WDR70: variants seen among roughly 807,000 people sequenced by gnomAD.
The protein encoded by WDR70 is WD repeat-containing protein 70.
Under a neutral mutation model 88.6 loss-of-function variants are expected in WDR70, and 53 were observed. The ratio of observed to expected loss-of-function variants is 0.60; its 90% CI spans 0.48 to 0.75. The LOEUF (loss-of-function observed/expected upper bound fraction) is 0.75. Ranked by LOEUF, WDR70 falls within the 30% of genes least tolerant of loss-of-function variation. The pLI is 0.00. For synonymous variants in WDR70, 280 were observed against 270.0 expected, an observed-to-expected ratio of 1.04 and a Z score of -0.36; for missense variants, 610 against 823.2, an observed-to-expected ratio of 0.74 and a Z score of 3.17.
intron 8 of WDR70, among the ~76,000 whole-genome samples, chr5:37,492,639 G>A (rs1740100203): frequency 1.3e-5 from 2 of 152,172 alleles, no homozygotes; most frequent in Admixed American, 1.3e-4. Flanking sequence ...TCTGCTGCTG[G>A]TTTTGAAGAT....
intron 16 of WDR70, among the ~76,000 whole-genome samples, chr5:37,725,670 A>AT (rs1290305931): frequency 2.0e-5 from 3 of 151,882 alleles, no homozygotes; most frequent in Admixed American, 1.3e-4. Context: ...TATCTTAATT[A>AT]TTTTTTTCAT....
intron 9 of WDR70, among the ~76,000 whole-genome samples, chr5:37,561,799 T>C (rs1335840512): frequency 6.6e-6 from 1 of 152,248 alleles, no homozygotes; most frequent in Non-Finnish European, 1.5e-5. Context: ...GGTTCTCTGT[T>C]GATTTAACAT....
At chr5:37,702,748 T>A (rs1032460664) in intron 12 of WDR70, among the ~76,000 whole-genome samples, 9 of 152,198 alleles carry the variant, frequency 5.9e-5, no homozygotes, top group African/African-American at 1.9e-4. Context: ...AATTATTTTC[T>A]TCAGTTCCCT....
chr5:37,559,092 C>T lies in WDR70; in HGVS notation c.917+42502C>T, dbSNP rs551513568. 1.2e-3 allele frequency among the ~76,000 whole-genome samples: 181 copies of T among 152,070 alleles called. 1 individual carries two copies. The highest frequency in any genetic ancestry group is 1.7e-3 in the Non-Finnish European group (115 of 67,996). On this transcript the variant is annotated intron_variant, in intron 9 of 17. Coordinates refer to ENST00000265107, the MANE Select transcript of WDR70 (RefSeq NM_018034.4). ...GGGATTACCGGTGCCCGCCACCATGCCCAGTTAATTTTTGTATTTTTAATA... is the reference window on the plus strand; with the variant it reads ...GGGATTACCGGTGCCCGCCACCATGTCCAGTTAATTTTTGTATTTTTAATA...
intron 7 of WDR70, among the ~76,000 whole-genome samples, chr5:37,451,491 A>G (rs1373225874): frequency 6.6e-6 from 1 of 152,180 alleles, no homozygotes; most frequent in Non-Finnish European, 1.5e-5. Context: ...TCGAATTTTA[A>G]TTAAAATGTA....
chr5:37,572,516 A>C (rs1178423559), intron 9 of WDR70, among the ~76,000 whole-genome samples: 1 of 152,112 alleles, frequency 6.6e-6, no homozygotes, highest in Non-Finnish European at 1.5e-5. Context: ...TGGTGAAGTC[A>C]GGGCCTTCAG....
chr5:37,583,894 G>A (rs942640885), intron 9 of WDR70, among the ~76,000 whole-genome samples: 1 of 152,120 alleles, frequency 6.6e-6, no homozygotes, highest in Non-Finnish European at 1.5e-5. Flanking sequence ...AAAATTTGCA[G>A]TATTCTTCCT....
chr5:37,478,647 T>G (rs1480130492), intron 7 of WDR70, among the ~76,000 whole-genome samples: 2 of 152,210 alleles, frequency 1.3e-5, no homozygotes, highest in Non-Finnish European at 2.9e-5. Flanking sequence ...CAGGGAGATC[T>G]GAAGCTAAAA....
chr5:37,645,797 C>T (rs1338898640), intron 10 of WDR70, among the ~76,000 whole-genome samples: 1 of 151,834 alleles, frequency 6.6e-6, no homozygotes, highest in Non-Finnish European at 1.5e-5. Flanking sequence ...ATTCTTGCTC[C>T]TTTTTGGTTT....
At chr5:37,603,713 T>C (rs1000268115) in intron 9 of WDR70, among the ~76,000 whole-genome samples, 6 of 152,232 alleles carry the variant, frequency 3.9e-5, no homozygotes, top group African/African-American at 1.4e-4. Context: ...ATATCTGCCA[T>C]ATTGCTTTTT....
rs1358067360 is a variant in WDR70, at chr5:37,711,992, T to C, written c.1416+8905T>C. On this transcript the variant is annotated intron_variant, in intron 13 of 17. Coordinates refer to ENST00000265107, the MANE Select transcript of WDR70 (RefSeq NM_018034.4). ...TTTCAGTGCATATATTTTTTCTTTT[T>C]TTTTTTTTTTTTTTTCTTGAGACGG... is the stretch of plus-strand genomic sequence containing the variant. Among the ~76,000 whole-genome samples the C allele has an allele frequency of 6.0e-4, 88 of 146,494 alleles. 1 individual carries two copies. The highest frequency in any genetic ancestry group is 3.5e-3 in the Middle Eastern group (1 of 286).
intron 8 of WDR70, among the ~76,000 whole-genome samples, chr5:37,486,265 A>G (rs1298125043): frequency 1.3e-5 from 2 of 152,172 alleles, no homozygotes; most frequent in Non-Finnish European, 2.9e-5. Flanking sequence ...TCAAACCCTC[A>G]TAAGGATCAC....
At chr5:37,643,803 A>C (rs1373624613) in intron 10 of WDR70, among the ~76,000 whole-genome samples, 1 of 152,062 alleles carries the variant, frequency 6.6e-6, no homozygotes, top group South Asian at 2.1e-4. Context: ...GGTAGCATAT[A>C]GTAATGCTAC....
At position 37,652,707 on chromosome 5, in the gene WDR70, GA is replaced by G. The variant is rs548051797; in HGVS notation, c.1093-44946del. 1.9e-3 allele frequency among the ~76,000 whole-genome samples: 282 copies of G among 152,274 alleles called. 1 individual carries two copies. Among genetic ancestry groups the G allele is most frequent in the African/African-American group, 6.3e-3 (260 of 41,544 alleles). ...ATTTTATTCTCTTTGAAGCAATTGTGAATGGGAGTTCACTCATGATTTGGCT... is the reference window on the plus strand; with the variant it reads ...ATTTTATTCTCTTTGAAGCAATTGTGATGGGAGTTCACTCATGATTTGGCT... On this transcript the variant is annotated intron_variant, in intron 10 of 17. Transcript: ENST00000265107.
At chr5:37,696,986 T>A (rs10074905) in intron 10 of WDR70, among the ~76,000 whole-genome samples, 150,346 of 152,342 alleles carry the variant, frequency 0.99, 74,215 homozygotes, top group East Asian at 1. Context: ...TACTACTTAC[T>A]AACTGTGTGG....
chr5:37,725,112 A>G (rs1747934898), intron 16 of WDR70, 62 bp downstream of exon 16: 2 of 1,446,176 alleles, frequency 1.4e-6, no homozygotes, highest in African/African-American at 1.4e-5. Context: ...GGTAATTGAT[A>G]TAAAATTGGG....
chr5:37,483,054 CCTGT>C (rs1739721354), intron 8 of WDR70, among the ~76,000 whole-genome samples: 1 of 150,014 alleles, frequency 6.7e-6, no homozygotes, highest in African/African-American at 2.5e-5. Context: ...ATTGAGACAC[CCTGT>C]CTCTTAATTT....
intron 6 of WDR70, among the ~76,000 whole-genome samples, chr5:37,439,844 C>T (rs1159905065): frequency 6.6e-6 from 1 of 151,988 alleles, no homozygotes; most frequent in Non-Finnish European, 1.5e-5. Context: ...AAAGCAAATA[C>T]CTGACTTCAT....
intron 7 of WDR70, among the ~76,000 whole-genome samples, chr5:37,452,433 T>A (rs905180118): frequency 6.6e-6 from 1 of 152,064 alleles, no homozygotes; most frequent in Non-Finnish European, 1.5e-5. Flanking sequence ...GCCCAGCTAA[T>A]TTTTGTATTT....
Sources: allele counts gnomAD v4.1 joint callset (sites outside exome capture counted in the v4.1 genomes callset), GRCh38; gene constraint gnomAD v4.1.1; transcripts MANE v1.5; gene names NCBI Gene and HGNC (gene_info 2026-07-23, HGNC 2026-07-21).